The following MAF variants were observed in gnomAD, a reference collection of about 807,000 sequenced individuals.
The protein encoded by MAF is transcription factor Maf.
Under a neutral mutation model 22.0 loss-of-function variants are expected in MAF, and 10 were observed. The ratio of observed to expected loss-of-function variants is 0.45; its 90% CI spans 0.28 to 0.77. The LOEUF (loss-of-function observed/expected upper bound fraction) is 0.77. MAF is among the 30% of genes least tolerant of loss of function. The probability of loss-of-function intolerance (pLI) is 0.12; values close to 1 mark genes in which losing one functional copy is unlikely to be tolerated. For synonymous variants in MAF, 337 were observed against 255.8 expected (o/e 1.32, Z -3.03); for missense variants, 544 against 548.4 (o/e 0.99, Z 0.08).
chr16:79,205,967 T>C, the MAF span: 112,349 of 152,038 alleles, frequency 0.74, 42,386 homozygotes, highest in Non-Finnish European at 0.81. Context: ...AGAGTAGGTT[T>C]CTTAGTTCTG....
At chr16:79,541,316 C>G in the MAF span, among the ~76,000 whole-genome samples, 1 of 152,130 alleles carries the variant, frequency 6.6e-6, no homozygotes, top group Non-Finnish European at 1.5e-5. Context: ...TCCAAAAGTC[C>G]TCTCACAACT....
the MAF span, among the ~76,000 whole-genome samples, chr16:79,531,097 T>C: frequency 1.3e-5 from 2 of 152,244 alleles, no homozygotes; most frequent in African/African-American, 2.4e-5. Flanking sequence ...TTAAAGTATG[T>C]ACTCTTAACT....
chr16:79,283,860 TCAAA>T, the MAF span, among the ~76,000 whole-genome samples: 2 of 150,592 alleles, frequency 1.3e-5, no homozygotes, highest in African/African-American at 4.9e-5. Flanking sequence ...TGGCCTGTCC[TCAAA>T]CAGACATGCC....
the MAF span, among the ~76,000 whole-genome samples, chr16:79,575,467 A>G: frequency 2.0e-4 from 31 of 152,314 alleles, no homozygotes; most frequent in African/African-American, 7.5e-4. Flanking sequence ...CTGACTGGAC[A>G]AGAGATGAAC....
At chr16:79,320,781 T>C in the MAF span, among the ~76,000 whole-genome samples, 336 of 152,190 alleles carry the variant, frequency 2.2e-3, no homozygotes, top group Middle Eastern at 0.01. Flanking sequence ...TAATAAATAA[T>C]GGGTGACGTT....
the MAF span, chr16:79,202,655 T>G: frequency 6.6e-6 from 1 of 152,188 alleles, no homozygotes; most frequent in Non-Finnish European, 1.5e-5. Flanking sequence ...TATTCAGCTT[T>G]AAAGAGTTTG....
chr16:79,356,818 T>A, the MAF span, among the ~76,000 whole-genome samples: 1 of 152,192 alleles, frequency 6.6e-6, no homozygotes, highest in South Asian at 2.1e-4. Context: ...GCCCCATAAA[T>A]GCTTGCACTT....
chr16:79,413,337 G>A, the MAF span, among the ~76,000 whole-genome samples: 8 of 138,358 alleles, frequency 5.8e-5, no homozygotes, highest in African/African-American at 1.9e-4. Flanking sequence ...CCGCCTCCCG[G>A]GTTCACGCCA....
At chr16:79,470,215 G>A in the MAF span, among the ~76,000 whole-genome samples, 11 of 152,238 alleles carry the variant, frequency 7.2e-5, no homozygotes, top group Non-Finnish European at 1.6e-4. Context: ...TTCTGAGGAA[G>A]TGGGAACTTC....
chr16:79,350,358 C>T, the MAF span, among the ~76,000 whole-genome samples: 12 of 152,162 alleles, frequency 7.9e-5, no homozygotes, highest in Admixed American at 3.3e-4. Flanking sequence ...CTGCCTCAGG[C>T]GAGTTCTGAC....
chr16:79,589,425 A>G (rs901459922), downstream of MAF, among the ~76,000 whole-genome samples: 4 of 152,186 alleles, frequency 2.6e-5, no homozygotes, highest in Non-Finnish European at 5.9e-5. Flanking sequence ...TAAACATGCT[A>G]TCTGGATTTC....
At chr16:79,273,326 A>G in the MAF span, among the ~76,000 whole-genome samples, 91,293 of 152,020 alleles carry the variant, frequency 0.6, 28,300 homozygotes, top group Admixed American at 0.69. Flanking sequence ...GACTCGAAAA[A>G]GGCATTTAAA....
At chr16:79,506,173 A>C in the MAF span, among the ~76,000 whole-genome samples, 2 of 152,204 alleles carry the variant, frequency 1.3e-5, no homozygotes, top group South Asian at 4.1e-4. Flanking sequence ...CTAAAAATGT[A>C]AAATCAACTG....
At chr16:79,576,440 G>T in the MAF span, among the ~76,000 whole-genome samples, 1 of 152,122 alleles carries the variant, frequency 6.6e-6, no homozygotes, top group Admixed American at 6.5e-5. Flanking sequence ...CCTCTGAGGC[G>T]GATGATAGCA....
At chr16:79,269,230 G>C in the MAF span, among the ~76,000 whole-genome samples, 1 of 152,170 alleles carries the variant, frequency 6.6e-6, no homozygotes, top group African/African-American at 2.4e-5. Context: ...TGTAGGGGCT[G>C]TTTAGCAAAG....
chr16:79,557,286 A>G, the MAF span, among the ~76,000 whole-genome samples: 3 of 151,936 alleles, frequency 2.0e-5, no homozygotes, highest in East Asian at 5.8e-4. Flanking sequence ...TTTGGAGGAG[A>G]AAATTAGACA....
At chr16:79,598,758 C>G in intron 1 of MAF, 27 bp downstream of exon 1, 1 of 1,613,644 alleles carries the variant, frequency 6.2e-7, no homozygotes, top group Non-Finnish European at 8.5e-7. Flanking sequence ...ATCAGGGTGG[C>G]TAGCTGGAAT....
chr16:79,211,034 A>AGTGTGTGTGTGTGTGTGTGTGT, the MAF span, among the ~76,000 whole-genome samples: 655 of 149,706 alleles, frequency 4.4e-3, 3 homozygotes, highest in Non-Finnish European at 7.5e-3. Flanking sequence ...TATGGTGAGG[A>AGTGTGTGTGTGTGTGTGTGTGT]GTGTGTGTGT....
the MAF span, among the ~76,000 whole-genome samples, chr16:79,460,327 C>T: frequency 6.6e-6 from 1 of 152,114 alleles, no homozygotes; most frequent in African/African-American, 2.4e-5. Flanking sequence ...TATAAAAGTG[C>T]TGAAGGAAAC....
Sources: allele counts gnomAD v4.1 joint callset (sites outside exome capture counted in the v4.1 genomes callset), GRCh38; gene constraint gnomAD v4.1.1; transcripts MANE v1.5; gene names NCBI Gene and HGNC (gene_info 2026-07-23, HGNC 2026-07-21).